Variants in TTLL9 observed in about 807,000 individuals in gnomAD.
The protein encoded by TTLL9 is probable tubulin polyglutamylase TTLL9.
A neutral mutation model predicts 65.6 loss-of-function variants in TTLL9; 47 were observed. The observed-to-expected ratio is 0.72, with a 90% CI of 0.57 to 0.91. The LOEUF (loss-of-function observed/expected upper bound fraction) is 0.91. Ranked by LOEUF, TTLL9 falls within the 40% of genes least tolerant of loss-of-function variation. The pLI, the probability that TTLL9 is intolerant of heterozygous loss-of-function variation, is 0.00. For missense variants in TTLL9, 537 were observed against 568.8 expected (o/e 0.94, Z 0.57); for synonymous variants, 179 against 204.8 (o/e 0.87, Z 1.07).
intron 9 of TTLL9, 83 bp downstream of exon 9, chr20:31,925,132 G>T (rs2063878786): frequency 7.0e-6 from 10 of 1,426,610 alleles, no homozygotes; most frequent in Non-Finnish European, 7.8e-6. Flanking sequence ...AGGCCTGGGG[G>T]TACCTTGTGT....
intron 2 of TTLL9, among the ~76,000 whole-genome samples, chr20:31,876,368 C>T (rs2063037739): frequency 6.6e-6 from 1 of 152,180 alleles, no homozygotes; most frequent in Non-Finnish European, 1.5e-5. Flanking sequence ...TCACTTGAAC[C>T]CAGGAATGTG....
At chr20:31,903,457 G>A (rs562247645) in intron 4 of TTLL9, among the ~76,000 whole-genome samples, 1 of 151,936 alleles carries the variant, frequency 6.6e-6, no homozygotes, top group East Asian at 1.9e-4. Context: ...TGCCTTTTGC[G>A]GTAAAAACTT....
intron 6 of TTLL9, among the ~76,000 whole-genome samples, chr20:31,913,174 T>C (rs1245257877): frequency 1.3e-5 from 2 of 152,024 alleles, no homozygotes; most frequent in Non-Finnish European, 2.9e-5. Context: ...AAATTAATAA[T>C]TGTAGATGTT....
intron 3 of TTLL9, among the ~76,000 whole-genome samples, chr20:31,889,700 G>A (rs543089409): frequency 1.3e-5 from 2 of 151,344 alleles, no homozygotes; most frequent in Non-Finnish European, 2.9e-5. Context: ...GGTTACAGGT[G>A]TGAGCCACGG....
chr20:31,888,135 C>T lies in TTLL9; in HGVS notation c.113+896C>T, dbSNP rs371554662. 8.5e-5 allele frequency among the ~76,000 whole-genome samples: 13 copies of T among 152,296 alleles called. No homozygotes were observed. The South Asian group carries it at 1.0e-3, about 12-fold the overall frequency. ...CCGACCTCAGGTGATCTGCCTGCCT[C>T]GGCCTCCCAAAGTGTTGGGATTACA... On this transcript the variant is annotated intron_variant, in intron 3 of 14. Coordinates refer to ENST00000535842, the MANE Select transcript of TTLL9 (RefSeq NM_001008409.5).
intron 6 of TTLL9, among the ~76,000 whole-genome samples, chr20:31,911,792 T>C (rs2063651946): frequency 6.6e-6 from 1 of 151,906 alleles, no homozygotes; most frequent in Non-Finnish European, 1.5e-5. Context: ...CAGCTACAGC[T>C]GTAATTTAGA....
intron 3 of TTLL9, among the ~76,000 whole-genome samples, chr20:31,893,291 C>CTTT (rs34875132): frequency 0.011 from 1,479 of 130,082 alleles, 47 homozygotes; most frequent in African/African-American, 0.039. Flanking sequence ...TGTTCTTTTT[C>CTTT]TTTTTTTTTT....
chr20:31,892,065 A>G (rs1294391311), intron 3 of TTLL9, among the ~76,000 whole-genome samples: 1 of 152,112 alleles, frequency 6.6e-6, no homozygotes, highest in African/African-American at 2.4e-5. Flanking sequence ...GGCCTCCCAA[A>G]GTGCTGGGAT....
At position 31,870,806 on chromosome 20, in the gene TTLL9, T is replaced by G. The variant is rs1182966688; in HGVS notation, c.-149T>G. 3 of 503,348 alleles carry G rather than the reference T, an allele frequency of 6.0e-6. No individual in the cohort carries two copies. Among genetic ancestry groups the G allele is most frequent in the Admixed American group, 3.8e-5 (1 of 26,508 alleles). The allele number at this position is 503,348 out of a possible 1,614,324, so 31.2% of individuals were successfully genotyped here. A position where few individuals can be genotyped will look rare whatever the true frequency, so the allele number is the denominator to read the frequency against. On this transcript the variant is annotated 5_prime_UTR_variant, in exon 1 of 15. Transcript: ENST00000535842. The surrounding 1 kb of genome is among the most constrained non-coding windows in gnomAD (Gnocchi z 6.6). Reference sequence around the variant, plus strand: ...GCCGGCCCACAAACTCCCGTCCCCCTTCCGGCTCTGCCTGGACGTCCCTGC... The same window carrying G: ...GCCGGCCCACAAACTCCCGTCCCCCGTCCGGCTCTGCCTGGACGTCCCTGC...
intron 10 of TTLL9, among the ~76,000 whole-genome samples, chr20:31,930,374 A>T (rs751705522): frequency 6.6e-6 from 1 of 152,206 alleles, no homozygotes; most frequent in Non-Finnish European, 1.5e-5. Context: ...ATTTTGCCTT[A>T]GAATTAGCAT....
rs778429167 is a variant in TTLL9 at position 31,943,185 on chromosome 20, T to G, written c.*164T>G. 33 of 664,710 alleles carry G rather than the reference T, an allele frequency of 5.0e-5. No individual in the cohort carries two copies. Among genetic ancestry groups the G allele is most frequent in the Non-Finnish European group, 7.5e-5 (28 of 372,960 alleles). The allele number at this position is 664,710 out of a possible 1,614,324, so 41.2% of individuals were successfully genotyped here. ...CAGCTTACTACCTGAATTGGGCCCC[T>G]TGGATACCTCCAGCCCATCCCCAGG... On this transcript the variant is annotated 3_prime_UTR_variant, in exon 15 of 15. Transcript: ENST00000535842.
At chr20:31,928,209 C>T (rs919632990) in intron 10 of TTLL9, among the ~76,000 whole-genome samples, 1 of 152,184 alleles carries the variant, frequency 6.6e-6, no homozygotes, top group Middle Eastern at 3.4e-3. Context: ...CAAATCAAGC[C>T]CTCTCCCGGG....
chr20:31,892,941 C>G (rs1013685026), intron 3 of TTLL9, among the ~76,000 whole-genome samples: 16 of 152,266 alleles, frequency 1.1e-4, no homozygotes, highest in African/African-American at 3.9e-4. Flanking sequence ...ATTACATTCT[C>G]ACTATATTTG....
chr20:31,879,887 C>T, intron 2 of TTLL9: 1 of 1,550,324 alleles, frequency 6.5e-7, no homozygotes, highest in Non-Finnish European at 8.7e-7. Flanking sequence ...CGCGTTATGT[C>T]GCGACCGAAG....
rs2062905772 is a variant in TTLL9, at chr20:31,870,640, C to T, written c.-315C>T. On this transcript the variant is annotated 5_prime_UTR_variant, in exon 1 of 15. Transcript: ENST00000535842. The surrounding 1 kb of genome is among the most constrained non-coding windows in gnomAD (Gnocchi z 6.6). ...GGGGGCCGGACAAAGCCCCAGTGTG[C>T]CGGGCCCACGGCCCGCGGGACAACG... is the stretch of plus-strand genomic sequence containing the variant. 1 of 1,303,524 alleles carries T rather than the reference C, an allele frequency of 7.7e-7. No homozygotes were observed. The highest frequency in any genetic ancestry group is 9.8e-7 in the Non-Finnish European group (1 of 1,021,690). The allele number at this position is 1,303,524 out of a possible 1,614,324, so 80.7% of individuals were successfully genotyped here.
intron 11 of TTLL9, 22 bp from the exon 12 acceptor site, chr20:31,934,670 G>T: frequency 6.3e-7 from 1 of 1,596,632 alleles, no homozygotes; most frequent in South Asian, 1.1e-5. Context: ...CTCCTCTCTC[G>T]ACCCGGCTGC....
chr20:31,905,068 C>T (rs2063532790), intron 4 of TTLL9, among the ~76,000 whole-genome samples: 1 of 152,162 alleles, frequency 6.6e-6, no homozygotes. Flanking sequence ...TTATAGAGCA[C>T]ATGGCCATTT....
intron 2 of TTLL9, chr20:31,873,065 A>G (rs1439459888): frequency 9.7e-6 from 5 of 515,066 alleles, no homozygotes; most frequent in South Asian, 7.1e-5. Flanking sequence ...GTGACCTGGG[A>G]TAGAGTGGGA....
At chr20:31,876,337 C>T (rs1408898317) in intron 2 of TTLL9, among the ~76,000 whole-genome samples, 2 of 151,990 alleles carry the variant, frequency 1.3e-5, no homozygotes, top group African/African-American at 4.8e-5. Context: ...CCTAGCTACT[C>T]GGGAGGCTGA....
Sources: gnomAD v4.1 joint callset for allele counts (sites outside exome capture counted in the v4.1 genomes callset) on GRCh38, gnomAD v4.1.1 for gene constraint, Gnocchi (gnomAD v3.1) non-coding constraint, MANE v1.5 for transcripts, NCBI Gene and HGNC (gene_info 2026-07-23, HGNC 2026-07-21) for gene names.